Variants in SWAP70 observed in about 807,000 individuals in gnomAD.
SWAP70 encodes the protein switching B cell complex subunit SWAP70, also known as switch-associated protein 70.
In SWAP70, 34 loss-of-function variants were observed where a neutral mutation model predicts 80.2. That is an observed-to-expected ratio of 0.42 (90% CI 0.32 to 0.56). The LOEUF (loss-of-function observed/expected upper bound fraction) is 0.56, where lower values mean the gene tolerates loss of function less well. Among genes scored for constraint, SWAP70 ranks in the 20% least tolerant of loss-of-function variants. SWAP70 has a pLI of 0.09. For synonymous variants in SWAP70, 239 were observed against 238.5 expected, an observed-to-expected ratio of 1.00 and a Z score of -0.02; for missense variants, 578 against 690.7, an observed-to-expected ratio of 0.84 and a Z score of 1.83.
intron 1 of SWAP70, among the ~76,000 whole-genome samples, chr11:9,678,543 C>CTTT (rs72123125): frequency 2.5e-4 from 19 of 77,178 alleles, no homozygotes; most frequent in African/African-American, 3.2e-4. Context: ...CTCTGAGGTG[C>CTTT]TTTTTTTTTT....
chr11:9,671,542 ATATATAGAAATATATATAAATATATT>A (rs1393447225), intron 1 of SWAP70, among the ~76,000 whole-genome samples: 12 of 83,840 alleles, frequency 1.4e-4, no homozygotes, highest in South Asian at 7.9e-4. Context: ...ATATATAGAA[ATATATAGAAATATATATAAATATATT>A]TATATAGAAA....
chr11:9,665,178 T>C (rs1050691821), intron 1 of SWAP70, among the ~76,000 whole-genome samples: 3 of 152,240 alleles, frequency 2.0e-5, no homozygotes, highest in African/African-American at 7.2e-5. Flanking sequence ...TAGATCCGAA[T>C]GTCCGGTTTT....
At position 9,700,850 on chromosome 11, in the gene SWAP70, G is replaced by T. The variant is rs182784728; in HGVS notation, c.240+6564G>T. On this transcript the variant is annotated intron_variant, in intron 2 of 11. Coordinates refer to ENST00000318950, the MANE Select transcript of SWAP70 (RefSeq NM_015055.4). ...CTCAGTTTTCATCCAGTTTTCTTCT[G>T]TTCTGTCTCAAGTTGTTTTAAGGTG... is the stretch of plus-strand genomic sequence containing the variant. Among the ~76,000 whole-genome samples the T allele has an allele frequency of 6.0e-4, 91 of 152,176 alleles. 1 individual carries two copies. The highest frequency in any genetic ancestry group is 2.1e-3 in the African/African-American group (87 of 41,530).
At chr11:9,720,837 A>G (rs1285580853) in intron 3 of SWAP70, among the ~76,000 whole-genome samples, 1 of 151,980 alleles carries the variant, frequency 6.6e-6, no homozygotes, top group African/African-American at 2.4e-5. Context: ...TTTTTTAAAG[A>G]TGGAGTCTAG....
chr11:9,718,142 A>C (rs1851089197), intron 3 of SWAP70, among the ~76,000 whole-genome samples: 1 of 152,248 alleles, frequency 6.6e-6, no homozygotes. Flanking sequence ...AAATCAAGTT[A>C]ATCTCATTTG....
chr11:9,698,735 C>G lies in SWAP70; in HGVS notation c.240+4449C>G, dbSNP rs116159468. Among the ~76,000 whole-genome samples the G allele has an allele frequency of 5.3e-3, 799 of 152,182 alleles. 8 individuals carry two copies. The highest frequency in any genetic ancestry group is 0.018 in the African/African-American group (765 of 41,516). ...GCATGTTTTTAAAGAATTTCCTTTT[C>G]AGAGATGATAACATTACCCTGATCG... On this transcript the variant is annotated intron_variant, in intron 2 of 11. Transcript: ENST00000318950.
At chr11:9,706,865 A>C (rs145780353) in intron 2 of SWAP70, among the ~76,000 whole-genome samples, 1 of 152,204 alleles carries the variant, frequency 6.6e-6, no homozygotes, top group African/African-American at 2.4e-5. Flanking sequence ...AGTACATCAT[A>C]TAATTTAATA....
intron 1 of SWAP70, among the ~76,000 whole-genome samples, chr11:9,680,178 G>A (rs957086723): frequency 6.6e-6 from 1 of 152,172 alleles, no homozygotes; most frequent in African/African-American, 2.4e-5. Flanking sequence ...GTTGAGGATT[G>A]TGTGATGTAG....
chr11:9,703,364 G>A (rs1850857633), intron 2 of SWAP70: 1 of 456,232 alleles, frequency 2.2e-6, no homozygotes, highest in Non-Finnish European at 4.4e-6. Flanking sequence ...TCACTTTAGT[G>A]CAATCACGTT....
intron 6 of SWAP70, 28 bp from the exon 7 acceptor site, chr11:9,732,499 ATT>A (rs138992149): frequency 5.0e-6 from 7 of 1,399,494 alleles, no homozygotes; most frequent in East Asian, 5.3e-5. Context: ...ATATCTCCCC[ATT>A]TTTTTTTTCC....
At chr11:9,738,095 T>C (rs1192674334) in intron 7 of SWAP70, 118 bp from the exon 8 acceptor site, 2 of 570,264 alleles carry the variant, frequency 3.5e-6, no homozygotes, top group African/African-American at 3.9e-5. Flanking sequence ...TTCTATTATC[T>C]TTATTGAATG....
intron 1 of SWAP70, among the ~76,000 whole-genome samples, chr11:9,677,431 G>A (rs944030309): frequency 6.6e-6 from 1 of 151,966 alleles, no homozygotes; most frequent in East Asian, 1.9e-4. Flanking sequence ...AAATTCTAAA[G>A]GGTATTTACA....
At chr11:9,684,180 C>G (rs1850602920) in intron 1 of SWAP70, among the ~76,000 whole-genome samples, 1 of 152,098 alleles carries the variant, frequency 6.6e-6, no homozygotes, top group Non-Finnish European at 1.5e-5. Context: ...CTCCTAGGCT[C>G]AAGTGGTCCT....
intron 1 of SWAP70, among the ~76,000 whole-genome samples, chr11:9,682,858 G>A (rs146295288): frequency 5.3e-4 from 80 of 152,230 alleles, no homozygotes; most frequent in African/African-American, 1.9e-3. Flanking sequence ...TATGTTTTTA[G>A]TAGATACAGG....
intron 2 of SWAP70, among the ~76,000 whole-genome samples, chr11:9,696,890 G>C (rs1048408634): frequency 1.3e-5 from 2 of 151,880 alleles, no homozygotes; most frequent in East Asian, 3.8e-4. Flanking sequence ...TTCAAAAAAT[G>C]ATAATGATAA....
chr11:9,681,711 C>G (rs1850570472), intron 1 of SWAP70, among the ~76,000 whole-genome samples: 1 of 152,086 alleles, frequency 6.6e-6, no homozygotes, highest in African/African-American at 2.4e-5. Context: ...ACTGGCAATT[C>G]AAATACAGTG....
At chr11:9,723,771 CTT>C (rs34551025) in intron 3 of SWAP70, among the ~76,000 whole-genome samples, 34,743 of 123,468 alleles carry the variant, frequency 0.28, 3,434 homozygotes, top group African/African-American at 0.3. Context: ...TCCTTCTTTA[CTT>C]TTTTTTTTTT....
At chr11:9,725,479 C>G (rs1247057816) in intron 4 of SWAP70, among the ~76,000 whole-genome samples, 1 of 137,146 alleles carries the variant, frequency 7.3e-6, no homozygotes, top group Non-Finnish European at 1.5e-5. Flanking sequence ...GTCAGGAGCT[C>G]AAGACCATCC....
chr11:9,668,070 G>A (rs1257055565), intron 1 of SWAP70, among the ~76,000 whole-genome samples: 1 of 152,108 alleles, frequency 6.6e-6, no homozygotes, highest in African/African-American at 2.4e-5. Context: ...TGTATTTTTA[G>A]TAGAGATGGG....
Sources: allele counts gnomAD v4.1 joint callset (sites outside exome capture counted in the v4.1 genomes callset), GRCh38; gene constraint gnomAD v4.1.1; transcripts MANE v1.5; gene names NCBI Gene and HGNC (gene_info 2026-07-23, HGNC 2026-07-21).